The following COL20A1 variants were observed in gnomAD, a reference collection of about 807,000 sequenced individuals.
COL20A1 encodes the protein collagen type XX alpha 1 chain, also known as collagen alpha-1(XX) chain.
Under a neutral mutation model 152.9 loss-of-function variants are expected in COL20A1, and 164 were observed. That is an observed-to-expected ratio of 1.07 (90% CI 0.94 to 1.22). The LOEUF (loss-of-function observed/expected upper bound fraction) is 1.22. Ranked by LOEUF, COL20A1 falls within the 50% of genes most tolerant of loss-of-function variation. The probability of loss-of-function intolerance (pLI) is 0.00; values close to 1 mark genes in which losing one functional copy is unlikely to be tolerated. For synonymous variants in COL20A1, 864 were observed against 756.0 expected (o/e 1.14, Z -2.34); for missense variants, 1,873 against 1,744.8 (o/e 1.07, Z -1.31).
intron 19 of COL20A1, among the ~76,000 whole-genome samples, chr20:63,314,919 A>G (rs2123411038): frequency 6.9e-6 from 1 of 145,108 alleles, no homozygotes; most frequent in African/African-American, 2.6e-5. Context: ...CCCCCAGGAC[A>G]TGCGTGTCCC....
At position 63,307,655 on chromosome 20, in the gene COL20A1, G is replaced by C; in HGVS notation, c.655+7G>C. The C allele has an allele frequency of 1.9e-6, 3 of 1,609,400 alleles. No homozygotes were observed. The highest frequency in any genetic ancestry group is 2.5e-6 in the Non-Finnish European group (3 of 1,177,600). On this transcript the variant is annotated splice_region_variant and intron_variant, in intron 6 of 35. Transcript: ENST00000358894. ...CCGGATAAGGTCCAAGTAGGTGGGTGCTGGCCCGGCCCGCCTCCTGCCCCA... is the reference window on the plus strand; with the variant it reads ...CCGGATAAGGTCCAAGTAGGTGGGTCCTGGCCCGGCCCGCCTCCTGCCCCA...
Position 63,319,042 on chromosome 20 carries a change from C to A in COL20A1, c.2664-16C>A. On this transcript the variant is annotated splice_polypyrimidine_tract_variant and intron_variant, in intron 21 of 35. Transcript: ENST00000358894. This position sits in a 1 kb window ranked among gnomAD's most constrained non-coding sequence, Gnocchi z 4.4. ...TGGGTCTGCTCATGTGCCTCTCCCT[C>A]CCCCAACCCCCACAGTGACGTCTAC... is the stretch of plus-strand genomic sequence containing the variant. The A allele has an allele frequency of 1.9e-6, 3 of 1,563,044 alleles. No individual in the cohort carries two copies. Among genetic ancestry groups the A allele is most frequent in the Non-Finnish European group, 1.8e-6 (2 of 1,136,384 alleles).
In COL20A1 at chr20:63,322,069, G is replaced by C; in HGVS notation, c.3252G>C (p.Gly1084=). The C allele has an allele frequency of 6.6e-7, 1 of 1,507,934 alleles. No homozygotes were observed. Among genetic ancestry groups the C allele is most frequent in the Non-Finnish European group, 8.8e-7 (1 of 1,132,110 alleles). 93.4% of individuals were successfully genotyped at this position (1,507,934 alleles called of 1,614,324 possible). Residue 1084 remains glycine, a synonymous_variant, in exon 27 of 36, where the codon GGG becomes GGC. Coordinates refer to ENST00000358894, the MANE Select transcript of COL20A1 (RefSeq NM_020882.4). ...PGPQGPPGLP[G]RNGTPGEQGF... is the part of the protein sequence containing the mutation. ...TTGTGCCTCTGCAGGGCCTCCCTGG[G>C]AGGAATGGCACCCCAGGAGAGCAGG...
Position 63,306,324 on chromosome 20 carries a change from G to A in COL20A1, c.496+285G>A, listed in dbSNP as rs1019309068. Among the ~76,000 whole-genome samples, 3 of 143,512 alleles carry A rather than the reference G, an allele frequency of 2.1e-5. No homozygotes were observed. Among genetic ancestry groups the A allele is most frequent in the East Asian group, 4.3e-4 (2 of 4,694 alleles). The allele number at this position is 143,512 out of a possible 152,430, so 94.1% of individuals were successfully genotyped here. A position where few individuals can be genotyped will look rare whatever the true frequency, so the allele number is the denominator to read the frequency against. ...CCACGAGGCCGGGAAGTTCTTCCTCGTGTCTGACCACACGGTCTCTGACCA... is the reference window on the plus strand; with the variant it reads ...CCACGAGGCCGGGAAGTTCTTCCTCATGTCTGACCACACGGTCTCTGACCA... On this transcript the variant is annotated intron_variant, in intron 5 of 35. Transcript: ENST00000358894. The surrounding 1 kb of genome is among the most constrained non-coding windows in gnomAD (Gnocchi z 6.9).
Position 63,325,437 on chromosome 20 carries a change from C to T in COL20A1, c.3295-4C>T. ...TCGCTGTCCAGCCCATCTTCCCCCT[C>T]CAGGGTCCACCAGGGGTCAAAGGAG... On this transcript the variant is annotated splice_region_variant and splice_polypyrimidine_tract_variant and intron_variant, in intron 27 of 35. Coordinates refer to ENST00000358894, the MANE Select transcript of COL20A1 (RefSeq NM_020882.4). The T allele has an allele frequency of 6.2e-7, 1 of 1,611,794 alleles. No individual in the cohort carries two copies. Among genetic ancestry groups the T allele is most frequent in the South Asian group, 1.1e-5 (1 of 90,966 alleles).
At position 63,307,615 on chromosome 20, in the gene COL20A1, C is replaced by A; in HGVS notation, c.622C>A (p.Pro208Thr). 2 of 1,612,598 alleles carry A rather than the reference C, an allele frequency of 1.2e-6. No individual in the cohort carries two copies. The highest frequency in any genetic ancestry group is 1.7e-6 in the Non-Finnish European group (2 of 1,179,720). ...GGACTTCCTGGCCAGTGTCATCGCA[C>A]CCTTTGAAATCGGGCCGGATAAGGT... ...VKDFLASVIA[P>T]FEIGPDKVQV... The change falls in exon 6 of 36, where the codon CCC becomes ACC. Residue 208 changes from proline to threonine, a missense_variant. By Grantham distance (38) the Pro-to-Thr change is conservative. Transcript: ENST00000358894.
intron 29 of COL20A1, 129 bp downstream of exon 29, chr20:63,325,850 C>A: frequency 2.3e-6 from 2 of 861,804 alleles, no homozygotes; most frequent in Non-Finnish European, 3.7e-6. Context: ...GCCTCACCTG[C>A]TGCACCACCC....
chr20:63,310,001 G>C lies in COL20A1; in HGVS notation c.1263+86G>C, dbSNP rs2067983936. The C allele has an allele frequency of 8.0e-6, 10 of 1,250,678 alleles. No individual in the cohort carries two copies. In the South Asian group the frequency reaches 1.4e-4, roughly 17 times the overall value. 77.5% of individuals were successfully genotyped at this position (1,250,678 alleles called of 1,614,324 possible). On this transcript the variant is annotated intron_variant, in intron 10 of 35. Coordinates refer to ENST00000358894, the MANE Select transcript of COL20A1 (RefSeq NM_020882.4). ...AGCCAAAGGGAGGGCAGGAATAAAG[G>C]CCCACAAATAACTGGGTCCAGGCTG...
chr20:63,319,011 T>C lies in COL20A1; in HGVS notation c.2664-47T>C, dbSNP rs2123419666. On this transcript the variant is annotated intron_variant, in intron 21 of 35. Coordinates refer to ENST00000358894, the MANE Select transcript of COL20A1 (RefSeq NM_020882.4). The surrounding 1 kb of genome is among the most constrained non-coding windows in gnomAD (Gnocchi z 4.4). The stretch of plus-strand genomic sequence containing the variant: ...AGCGGATCGTTCTGCCAGGTTTGGC[T>C]GCCCTTGGGTCTGCTCATGTGCCTC... 1 of 1,536,470 alleles carries C rather than the reference T, an allele frequency of 6.5e-7. No individual in the cohort carries two copies. Among genetic ancestry groups the C allele is most frequent in the Non-Finnish European group, 9.0e-7 (1 of 1,113,968 alleles).
rs769461909 is a variant in COL20A1 at position 63,312,016 on chromosome 20, G to A, written c.1764G>A (p.Arg588=). The A allele has an allele frequency of 3.7e-6, 6 of 1,605,036 alleles. No homozygotes were observed. Among genetic ancestry groups the A allele is most frequent in the Non-Finnish European group, 5.1e-6 (6 of 1,176,580 alleles). The stretch of plus-strand genomic sequence containing the variant: ...CCCCGAGGCCTGTGCGCCTGGTCAG[G>A]GTCACCTATGTGTCCAGCGAGGGTG... The part of the protein sequence containing the change: ...EGAPRPVRLV[R]VTYVSSEGGH... Residue 588 remains arginine, a synonymous_variant, in exon 14 of 36, where the codon AGG becomes AGA. Coordinates refer to ENST00000358894, the MANE Select transcript of COL20A1 (RefSeq NM_020882.4).
rs1022315570 is a variant in COL20A1, at chr20:63,311,161, C to A, written c.1394-233C>A. On this transcript the variant is annotated intron_variant, in intron 11 of 35. Transcript: ENST00000358894. The surrounding 1 kb of genome is among the most constrained non-coding windows in gnomAD (Gnocchi z 4.4). ...CTTTTCACCCCCCGGAGGCCACATTCCTCCCATGACCTCAAGGCAGATGGC... is the reference window on the plus strand; with the variant it reads ...CTTTTCACCCCCCGGAGGCCACATTACTCCCATGACCTCAAGGCAGATGGC... Among the ~76,000 whole-genome samples the A allele has an allele frequency of 1.3e-5, 2 of 152,220 alleles. No individual in the cohort carries two copies. Among genetic ancestry groups the A allele is most frequent in the African/African-American group, 4.8e-5 (2 of 41,450 alleles).
At chr20:63,294,006 A>C (rs1234059567) in intron 1 of COL20A1, among the ~76,000 whole-genome samples, 4 of 143,146 alleles carry the variant, frequency 2.8e-5, no homozygotes, top group Non-Finnish European at 6.1e-5. Flanking sequence ...CCATGCCCTC[A>C]GCTCAGCACA....
At position 63,306,469 on chromosome 20, in the gene COL20A1, G is replaced by T. The variant is rs2067927491; in HGVS notation, c.496+430G>T. On this transcript the variant is annotated intron_variant, in intron 5 of 35. Coordinates refer to ENST00000358894, the MANE Select transcript of COL20A1 (RefSeq NM_020882.4). This position sits in a 1 kb window ranked among gnomAD's most constrained non-coding sequence, Gnocchi z 6.9. ...GGGAGCAGGTGGTCCCACTACCTCT[G>T]ACCCCTTTGGGAACCTCCAGCCTGG... 6.6e-6 allele frequency among the ~76,000 whole-genome samples: 1 copy of T among 152,244 alleles called. No individual in the cohort carries two copies. The highest frequency in any genetic ancestry group is 1.5e-5 in the Non-Finnish European group (1 of 68,036).
chr20:63,298,805 C>T (rs1033031621), intron 3 of COL20A1, among the ~76,000 whole-genome samples: 1 of 152,142 alleles, frequency 6.6e-6, no homozygotes, highest in Non-Finnish European at 1.5e-5. Context: ...AATTTTAAAG[C>T]TTTTCAAAAC....
chr20:63,325,743 G>C, intron 29 of COL20A1, 22 bp downstream of exon 29: 2 of 1,608,036 alleles, frequency 1.2e-6, no homozygotes, highest in Non-Finnish European at 1.7e-6. Context: ...GGGCTTGGAG[G>C]GTTCTGTCAG....
rs1417294072 is a variant in COL20A1 at position 63,325,447 on chromosome 20, C to A, written c.3301C>A (p.Pro1101Thr). The change falls in exon 28 of 36, where the codon CCA (proline) becomes ACA (threonine). Residue 1101 changes from proline (P) to threonine (T), a missense_variant. Transcript: ENST00000358894. ...EQGFPGPRGP[P>T]GVKGEKGDHG... The stretch of plus-strand genomic sequence containing the variant: ...GCCCATCTTCCCCCTCCAGGGTCCA[C>A]CAGGGGTCAAAGGAGAGAAGGGAGA... 2.5e-6 allele frequency: 4 copies of A among 1,612,526 alleles called. No homozygotes were observed. The highest frequency in any genetic ancestry group is 3.4e-6 in the Non-Finnish European group (4 of 1,179,248).
In COL20A1 at chr20:63,311,514, C is replaced by A. The variant is rs534221260; in HGVS notation, c.1514C>A (p.Pro505His). 3.1e-6 allele frequency: 5 copies of A among 1,590,186 alleles called. No individual in the cohort carries two copies. In the African/African-American group the frequency reaches 4.0e-5, roughly 13 times the overall value. Residue 505 changes from proline to histidine, a missense_variant, in exon 12 of 36, where the codon CCC becomes CAC. By Grantham distance (77) the Pro-to-His change is moderately conservative. Transcript: ENST00000358894. This position sits in a 1 kb window ranked among gnomAD's most constrained non-coding sequence, Gnocchi z 4.4. The stretch of plus-strand genomic sequence containing the variant: ...CTGGTGCGATGTTCTCCTGCTTCCC[C>A]CAAGGGTGAAGAGGAGGAGCGAGAG... Reference protein sequence around the residue: ...HYLVRCSPASPKGEEEEREVQ... With the variant: ...HYLVRCSPASHKGEEEEREVQ...
In COL20A1 at chr20:63,315,419, G is replaced by A. The variant is rs201818652; in HGVS notation, c.2504G>A (p.Arg835His). 213 of 1,578,326 alleles carry A rather than the reference G, an allele frequency of 1.3e-4. No individual in the cohort carries two copies. In the African/African-American group the frequency reaches 2.5e-3, roughly 19 times the overall value. ...CTCTCAGCAGCCTGCCCAGCCCTCC[G>A]CCCTGACGGCTCCCTCCCAGGTGGG... is the stretch of plus-strand genomic sequence containing the variant. Reference protein sequence around the residue: ...ATGQTACPALRPDGSLPGFDL... With the variant: ...ATGQTACPALHPDGSLPGFDL... The change falls in exon 20 of 36, where the codon CGC (arginine) becomes CAC (histidine). Residue 835 changes from arginine (R) to histidine (H), a missense_variant. Physicochemically the swap from Arg to His is conservative, Grantham distance 29. Coordinates refer to ENST00000358894, the MANE Select transcript of COL20A1 (RefSeq NM_020882.4).
At chr20:63,324,094 T>C (rs1484723631) in intron 27 of COL20A1, among the ~76,000 whole-genome samples, 1 of 152,238 alleles carries the variant, frequency 6.6e-6, no homozygotes, top group Non-Finnish European at 1.5e-5. Flanking sequence ...ACGTATGTCC[T>C]CTTTTTTGTT....
Sources: allele counts gnomAD v4.1 joint callset (sites outside exome capture counted in the v4.1 genomes callset), GRCh38; gene constraint gnomAD v4.1.1; non-coding constraint Gnocchi (gnomAD v3.1); transcripts MANE v1.5; gene names NCBI Gene and HGNC (gene_info 2026-07-23, HGNC 2026-07-21).